Variants in TMEFF2 observed in about 807,000 individuals in gnomAD.
TMEFF2 encodes transmembrane protein with EGF like and two follistatin like domains 2.
TMEFF2 carries 28 observed loss-of-function variants against 53.8 expected under a neutral mutation model. That is an observed-to-expected ratio of 0.52 (90% CI 0.39 to 0.71). The LOEUF (loss-of-function observed/expected upper bound fraction) is 0.71, where lower values mean the gene tolerates loss of function less well. Among genes scored for constraint, TMEFF2 ranks in the 30% least tolerant of loss-of-function variants. The pLI, the probability that TMEFF2 is intolerant of heterozygous loss-of-function variation, is 0.00. For missense variants in TMEFF2, 353 were observed against 455.2 expected (o/e 0.78, Z 2.04); for synonymous variants, 162 against 166.3 (o/e 0.97, Z 0.20).
chr2:191,951,880 A>G (rs1691895904), intron 9 of TMEFF2, among the ~76,000 whole-genome samples: 1 of 151,994 alleles, frequency 6.6e-6, no homozygotes, highest in Non-Finnish European at 1.5e-5. Context: ...TTATTTTATT[A>G]TAACATGGAA....
chr2:192,092,948 T>A (rs1349849733), intron 4 of TMEFF2, among the ~76,000 whole-genome samples: 1 of 152,148 alleles, frequency 6.6e-6, no homozygotes, highest in East Asian at 1.9e-4. Context: ...TCCGGGGCTA[T>A]AAGACAATAG....
intron 4 of TMEFF2, among the ~76,000 whole-genome samples, chr2:192,155,027 T>TA (rs936626934): frequency 2.6e-5 from 4 of 151,668 alleles, no homozygotes; most frequent in South Asian, 2.1e-4. Flanking sequence ...TTCTTTCTGT[T>TA]AAAAAAAATA....
At chr2:192,016,308 T>C (rs1445198174) in intron 5 of TMEFF2, among the ~76,000 whole-genome samples, 1 of 152,236 alleles carries the variant, frequency 6.6e-6, no homozygotes, top group Non-Finnish European at 1.5e-5. Context: ...CTACCTTTCT[T>C]TATTAACAAG....
chr2:192,176,284 C>G (rs1691041387), intron 4 of TMEFF2, among the ~76,000 whole-genome samples: 1 of 151,228 alleles, frequency 6.6e-6, no homozygotes, highest in South Asian at 2.1e-4. Flanking sequence ...GTGAATCTAT[C>G]CAACAAGTTT....
intron 7 of TMEFF2, among the ~76,000 whole-genome samples, chr2:191,990,198 C>G (rs1385858146): frequency 6.6e-6 from 1 of 152,130 alleles, no homozygotes; most frequent in Non-Finnish European, 1.5e-5. Context: ...AGGAAACAAA[C>G]TACAACCATG....
chr2:192,133,415 C>A (rs1689909139), intron 4 of TMEFF2, among the ~76,000 whole-genome samples: 1 of 152,204 alleles, frequency 6.6e-6, no homozygotes, highest in Non-Finnish European at 1.5e-5. Context: ...TCCCATCCCA[C>A]AGCATGCTCT....
chr2:191,975,720 A>G (rs1685708797), intron 7 of TMEFF2, among the ~76,000 whole-genome samples: 2 of 152,156 alleles, frequency 1.3e-5, no homozygotes, highest in African/African-American at 4.8e-5. Context: ...ATTGCATCCA[A>G]TATAGGGATC....
intron 7 of TMEFF2, among the ~76,000 whole-genome samples, chr2:191,981,005 C>A (rs1574263347): frequency 6.6e-6 from 1 of 152,088 alleles, no homozygotes; most frequent in Non-Finnish European, 1.5e-5. Flanking sequence ...ATTGTTATGA[C>A]CGTAGTCTTC....
At chr2:192,134,902 G>A (rs1293289727) in intron 4 of TMEFF2, among the ~76,000 whole-genome samples, 1 of 152,058 alleles carries the variant, frequency 6.6e-6, no homozygotes, top group African/African-American at 2.4e-5. Context: ...CAGACTAATG[G>A]TCTATTAAAA....
chr2:191,951,125 C>T (rs1691863424), intron 9 of TMEFF2, among the ~76,000 whole-genome samples: 1 of 151,846 alleles, frequency 6.6e-6, no homozygotes, highest in East Asian at 1.9e-4. Context: ...TATACATACA[C>T]ATATATATCA....
intron 4 of TMEFF2, among the ~76,000 whole-genome samples, chr2:192,120,605 C>A (rs986763825): frequency 6.6e-6 from 1 of 152,104 alleles, no homozygotes. Flanking sequence ...AAATTGATAA[C>A]GCCAATAAAA....
At chr2:192,117,339 G>A (rs1689437544) in intron 4 of TMEFF2, among the ~76,000 whole-genome samples, 1 of 152,214 alleles carries the variant, frequency 6.6e-6, no homozygotes, top group Admixed American at 6.5e-5. Context: ...ATACTGTTAT[G>A]TGCTCACATA....
In TMEFF2 at chr2:191,953,800, T is replaced by G; in HGVS notation, c.907A>C (p.Lys303Gln). ...AGYTGQHCEKKDYSVLYVVPG... is the reference protein window; with the variant it reads ...AGYTGQHCEKQDYSVLYVVPG... ...ACAACGTATAGAACACTGTAGTCCT[T>G]TTTTTCACAGTGTTGTCCAGTATAA... is the stretch of plus-strand genomic sequence containing the variant. The change falls in exon 9 of 10, where the codon AAG (lysine) becomes CAG (glutamine). Residue 303 changes from lysine to glutamine, a missense_variant. This residue lies in a region of TMEFF2 where 294 missense variants were observed against 397.3 expected (regional missense o/e 0.74). Coordinates refer to ENST00000272771, the MANE Select transcript of TMEFF2 (RefSeq NM_016192.4). 6.2e-7 allele frequency: 1 copy of G among 1,613,780 alleles called. No individual in the cohort carries two copies. The highest frequency in any genetic ancestry group is 8.5e-7 in the Non-Finnish European group (1 of 1,179,826).
chr2:192,025,299 C>G (rs1000695812), intron 5 of TMEFF2, among the ~76,000 whole-genome samples: 2 of 151,684 alleles, frequency 1.3e-5, no homozygotes, highest in Admixed American at 1.3e-4. Context: ...GATGAGCCTA[C>G]AACCAAGTGT....
chr2:192,100,367 A>G (rs1689006490), intron 4 of TMEFF2, among the ~76,000 whole-genome samples: 1 of 152,088 alleles, frequency 6.6e-6, no homozygotes, highest in Non-Finnish European at 1.5e-5. Context: ...TTTTCCAACA[A>G]TCCTCTGTCA....
chr2:192,001,269 A>G (rs1163476700), intron 5 of TMEFF2, among the ~76,000 whole-genome samples: 1 of 152,198 alleles, frequency 6.6e-6, no homozygotes, highest in Non-Finnish European at 1.5e-5. Context: ...GTCTACCTAA[A>G]TGGTAAATTA....
intron 4 of TMEFF2, among the ~76,000 whole-genome samples, chr2:192,139,450 G>A (rs13004835): frequency 0.38 from 58,171 of 152,002 alleles, 12,535 homozygotes; most frequent in Middle Eastern, 0.51. Context: ...CATTTTGTCT[G>A]TTTAAATGAA....
At chr2:192,132,817 C>T (rs537136052) in intron 4 of TMEFF2, among the ~76,000 whole-genome samples, 49 of 152,282 alleles carry the variant, frequency 3.2e-4, no homozygotes, top group Admixed American at 3.1e-3. Flanking sequence ...CACCTGGCAG[C>T]CACTCCCAGA....
chr2:192,074,794 C>CCATGAAT (rs1559114656), intron 4 of TMEFF2, among the ~76,000 whole-genome samples: 1 of 151,788 alleles, frequency 6.6e-6, no homozygotes, highest in Non-Finnish European at 1.5e-5. Flanking sequence ...ATAATAGCAT[C>CCATGAAT]CATGAATCAA....
Sources: gnomAD v4.1 joint callset for allele counts (sites outside exome capture counted in the v4.1 genomes callset) on GRCh38, gnomAD v4.1.1 for gene constraint, gnomAD v4.1.1 regional missense constraint, MANE v1.5 for transcripts, NCBI Gene and HGNC (gene_info 2026-07-23, HGNC 2026-07-21) for gene names.